PCDHGA3: variants seen among roughly 807,000 people sequenced by gnomAD.
PCDHGA3 encodes the protein protocadherin gamma subfamily A, 3.
In PCDHGA3, 40 loss-of-function variants were observed where a neutral mutation model predicts 58.5. The observed-to-expected ratio is 0.68, with a 90% CI of 0.53 to 0.89. The LOEUF (loss-of-function observed/expected upper bound fraction) is 0.89, where lower values mean the gene tolerates loss of function less well. PCDHGA3 is among the 40% of genes least tolerant of loss of function. The pLI, the probability that PCDHGA3 is intolerant of heterozygous loss-of-function variation, is 0.00. For synonymous variants in PCDHGA3, 530 were observed against 525.7 expected (o/e 1.01, Z -0.11); for missense variants, 1,223 against 1,195.9 (o/e 1.02, Z -0.33).
intron 1 of PCDHGA3, chr5:141,418,184 G>A: frequency 6.2e-7 from 1 of 1,614,096 alleles, no homozygotes; most frequent in Non-Finnish European, 8.5e-7. Flanking sequence ...ATTGGAAGCT[G>A]TGGTGGAAAA....
intron 1 of PCDHGA3, chr5:141,389,107 T>C (rs1349471179): frequency 1.2e-6 from 2 of 1,613,940 alleles, no homozygotes; most frequent in Non-Finnish European, 8.5e-7. Context: ...GATGCTGTTC[T>C]AGACCGCGAG....
Position 141,392,253 on chromosome 5 carries a change from T to C in PCDHGA3, c.2424+45796T>C, listed in dbSNP as rs1051019631. ...GTTCTTAGTTATTTGTTAGTATATATTGGAGACATTTACAATAAAGCTTAG... is the reference window on the plus strand; with the variant it reads ...GTTCTTAGTTATTTGTTAGTATATACTGGAGACATTTACAATAAAGCTTAG... On this transcript the variant is annotated intron_variant, in intron 1 of 3. Transcript: ENST00000253812. 3.9e-5 allele frequency: 6 copies of C among 152,218 alleles called. No individual in the cohort carries two copies. The South Asian group carries it at 6.2e-4, about 16-fold the overall frequency. The allele number at this position is 152,218 out of a possible 1,614,324, so 9.4% of individuals were successfully genotyped here. A position where few individuals can be genotyped will look rare whatever the true frequency, so the allele number is the denominator to read the frequency against.
At chr5:141,437,096 C>T (rs989863634) in intron 1 of PCDHGA3, among the ~76,000 whole-genome samples, 6 of 152,122 alleles carry the variant, frequency 3.9e-5, no homozygotes, top group Non-Finnish European at 8.8e-5. Context: ...AAACTAACGG[C>T]TTAGCTTTAG....
chr5:141,412,040 G>A (rs1046669003), intron 1 of PCDHGA3: 1 of 152,230 alleles, frequency 6.6e-6, no homozygotes, highest in African/African-American at 2.4e-5. Flanking sequence ...TGTGAAAGAA[G>A]TGAACTTCTA....
chr5:141,445,249 G>T (rs1337658576), intron 1 of PCDHGA3, among the ~76,000 whole-genome samples: 2 of 152,170 alleles, frequency 1.3e-5, no homozygotes, highest in Non-Finnish European at 2.9e-5. Context: ...ACTATATTGT[G>T]TGAGAATATA....
Position 141,489,101 on chromosome 5 carries a change from T to C in PCDHGA3, c.2425-5706T>C. The C allele has an allele frequency of 2.5e-6, 1 of 398,412 alleles. No homozygotes were observed. The highest frequency in any genetic ancestry group is 4.3e-5 in the South Asian group (1 of 23,096). The allele number at this position is 398,412 out of a possible 1,614,324, so 24.7% of individuals were successfully genotyped here. A position where few individuals can be genotyped will look rare whatever the true frequency, so the allele number is the denominator to read the frequency against. ...CCGCCACTCGGTGACTAAGAACTGC[T>C]GCAAGCAGGCAAACCTCCGAGCAGT... On this transcript the variant is annotated intron_variant, in intron 1 of 3. Coordinates refer to ENST00000253812, the MANE Select transcript of PCDHGA3 (RefSeq NM_018916.4). The surrounding 1 kb of genome is among the most constrained non-coding windows in gnomAD (Gnocchi z 4.5).
chr5:141,366,196 C>T, intron 1 of PCDHGA3: 5 of 1,613,898 alleles, frequency 3.1e-6, no homozygotes, highest in Non-Finnish European at 4.2e-6. Context: ...TTGGGCTGCA[C>T]ACGGGCGAGG....
chr5:141,392,844 G>C lies in PCDHGA3; in HGVS notation c.2424+46387G>C, dbSNP rs201895231. On this transcript the variant is annotated intron_variant, in intron 1 of 3. Coordinates refer to ENST00000253812, the MANE Select transcript of PCDHGA3 (RefSeq NM_018916.4). ...CGCTCCACAGAGTCGCCCCAGACGCGGCGAGCTGATCCTGCTGTGCGCGCT... is the reference window on the plus strand; with the variant it reads ...CGCTCCACAGAGTCGCCCCAGACGCCGCGAGCTGATCCTGCTGTGCGCGCT... 32 of 1,609,468 alleles carry C rather than the reference G, an allele frequency of 2.0e-5. No homozygotes were observed. The highest frequency in any genetic ancestry group is 2.5e-5 in the Non-Finnish European group (29 of 1,177,978).
At chr5:141,372,615 C>A (rs1244865693) in intron 1 of PCDHGA3, 1 of 1,613,850 alleles carries the variant, frequency 6.2e-7, no homozygotes, top group African/African-American at 1.3e-5. Context: ...TGGAGTTCTC[C>A]CCACCTACAG....
intron 1 of PCDHGA3, chr5:141,478,906 C>T: frequency 1.1e-6 from 1 of 906,534 alleles, no homozygotes; most frequent in Non-Finnish European, 1.6e-6. Context: ...GAATAAGCTG[C>T]TGGATACCTC....
Position 141,486,986 on chromosome 5 carries a change from T to C in PCDHGA3, c.2425-7821T>C. Reference sequence around the variant, plus strand: ...GGACTTGGATTCAGGTTACAATGCTTGGGTTTCCTATCAGCTCCTGGAGGC... The same window carrying C: ...GGACTTGGATTCAGGTTACAATGCTCGGGTTTCCTATCAGCTCCTGGAGGC... On this transcript the variant is annotated intron_variant, in intron 1 of 3. Coordinates refer to ENST00000253812, the MANE Select transcript of PCDHGA3 (RefSeq NM_018916.4). The surrounding 1 kb of genome is among the most constrained non-coding windows in gnomAD (Gnocchi z 5.0). 6.2e-7 allele frequency: 1 copy of C among 1,614,214 alleles called. No homozygotes were observed. Among genetic ancestry groups the C allele is most frequent in the South Asian group, 1.1e-5 (1 of 91,088 alleles).
At position 141,486,791 on chromosome 5, in the gene PCDHGA3, C is replaced by T. The variant is rs766519569; in HGVS notation, c.2425-8016C>T. 1.8e-5 allele frequency: 29 copies of T among 1,614,108 alleles called. No homozygotes were observed. The highest frequency in any genetic ancestry group is 2.2e-5 in the Non-Finnish European group (26 of 1,180,054). On this transcript the variant is annotated intron_variant, in intron 1 of 3. Coordinates refer to ENST00000253812, the MANE Select transcript of PCDHGA3 (RefSeq NM_018916.4). The surrounding 1 kb of genome is among the most constrained non-coding windows in gnomAD (Gnocchi z 5.0). ...GCAGTTTGAGGTGCAGGCCCGGGAT[C>T]GGGGCAACCCACCCCTTAGCAGCAC...
chr5:141,385,068 C>G, intron 1 of PCDHGA3: 1 of 1,614,206 alleles, frequency 6.2e-7, no homozygotes, highest in South Asian at 1.1e-5. Context: ...ACAAGTCACG[C>G]CTGCTGCAGG....
At chr5:141,397,904 G>A in intron 1 of PCDHGA3, 1 of 657,312 alleles carries the variant, frequency 1.5e-6, no homozygotes, top group Non-Finnish European at 2.5e-6. Flanking sequence ...TGCAGAGCTT[G>A]GCGCTCCAGA....
At chr5:141,461,278 C>T (rs2099012353) in intron 1 of PCDHGA3, among the ~76,000 whole-genome samples, 1 of 152,086 alleles carries the variant, frequency 6.6e-6, no homozygotes, top group South Asian at 2.1e-4. Context: ...GTTCTCTTTT[C>T]CCCACATCCA....
At position 141,432,908 on chromosome 5, in the gene PCDHGA3, C is replaced by A. The variant is rs757934634; in HGVS notation, c.2425-61899C>A. On this transcript the variant is annotated intron_variant, in intron 1 of 3. Coordinates refer to ENST00000253812, the MANE Select transcript of PCDHGA3 (RefSeq NM_018916.4). This position sits in a 1 kb window ranked among gnomAD's most constrained non-coding sequence, Gnocchi z 6.0. ...CATCTTGCTGCTGGCGCTCAGGCTGCGGCGCTGGCACAAGTCACGCCTGCT... is the reference window on the plus strand; with the variant it reads ...CATCTTGCTGCTGGCGCTCAGGCTGAGGCGCTGGCACAAGTCACGCCTGCT... The A allele has an allele frequency of 1.6e-5, 26 of 1,614,168 alleles. No individual in the cohort carries two copies. Among genetic ancestry groups the A allele is most frequent in the Middle Eastern group, 1.7e-4 (1 of 6,060 alleles).
chr5:141,385,919 T>C (rs912267518), intron 1 of PCDHGA3: 9 of 152,446 alleles, frequency 5.9e-5, no homozygotes, highest in African/African-American at 1.7e-4. Flanking sequence ...CACTAAGATC[T>C]ATATCAAAGA....
At chr5:141,364,465 CG>C in intron 1 of PCDHGA3, 1 of 1,613,982 alleles carries the variant, frequency 6.2e-7, no homozygotes, top group South Asian at 1.1e-5. Context: ...GCTCCTTCGT[CG>C]GCAACATAGC....
chr5:141,458,575 G>A (rs1337776166), intron 1 of PCDHGA3, among the ~76,000 whole-genome samples: 1 of 151,346 alleles, frequency 6.6e-6, no homozygotes, highest in Non-Finnish European at 1.5e-5. Context: ...GTTTTTGTTT[G>A]TTTGTTTGTT....
Sources: gnomAD v4.1 joint callset for allele counts (sites outside exome capture counted in the v4.1 genomes callset) on GRCh38, gnomAD v4.1.1 for gene constraint, Gnocchi (gnomAD v3.1) non-coding constraint, MANE v1.5 for transcripts, NCBI Gene and HGNC (gene_info 2026-07-23, HGNC 2026-07-21) for gene names.